VSTM4: variants seen among roughly 807,000 people sequenced by gnomAD.
The protein encoded by VSTM4 is V-set and transmembrane domain-containing protein 4.
Under a neutral mutation model 36.4 loss-of-function variants are expected in VSTM4, and 20 were observed. The ratio of observed to expected loss-of-function variants is 0.55; its 90% CI spans 0.39 to 0.80. The LOEUF (loss-of-function observed/expected upper bound fraction) is 0.80, where lower values mean the gene tolerates loss of function less well. VSTM4 is among the 30% of genes least tolerant of loss of function. VSTM4 has a pLI of 0.00. For missense variants in VSTM4, 392 were observed against 404.5 expected (o/e 0.97, Z 0.26); for synonymous variants, 182 against 173.9 (o/e 1.05, Z -0.37).
Position 49,096,622 on chromosome 10 carries a change from C to CGTGTGTGTGTGTGTGTGTGTGTGTGT in VSTM4, c.458-10625_458-10600dup, listed in dbSNP as rs57143308. On this transcript the variant is annotated intron_variant, in intron 2 of 7. Coordinates refer to ENST00000332853, the MANE Select transcript of VSTM4 (RefSeq NM_001031746.5). Reference sequence around the variant, plus strand: ...ATTGGGTTGAAAAGCCATTGAAGACCGTGTGTGTGTGTGTGTGTGTGTGTG... The same window carrying CGTGTGTGTGTGTGTGTGTGTGTGTGT: ...ATTGGGTTGAAAAGCCATTGAAGACCGTGTGTGTGTGTGTGTGTGTGTGTGTGTGTGTGTGTGTGTGTGTGTGTGTG... 8.2e-4 allele frequency among the ~76,000 whole-genome samples: 100 copies of CGTGTGTGTGTGTGTGTGTGTGTGTGT among 122,568 alleles called. 2 individuals carry two copies. Among genetic ancestry groups the CGTGTGTGTGTGTGTGTGTGTGTGTGT allele is most frequent in the African/African-American group, 3.3e-3 (95 of 28,942 alleles). 80.4% of individuals were successfully genotyped at this position (122,568 alleles called of 152,430 possible). A position where few individuals can be genotyped will look rare whatever the true frequency, so the allele number is the denominator to read the frequency against.
chr10:49,019,611 T>A lies in VSTM4; in HGVS notation c.*39A>T, dbSNP rs1299958187. The A allele has an allele frequency of 1.2e-5, 19 of 1,561,286 alleles. No individual in the cohort carries two copies. The highest frequency in any genetic ancestry group is 1.6e-5 in the Non-Finnish European group (18 of 1,149,938). The stretch of plus-strand genomic sequence containing the variant: ...CTCCAAGGCTTCATAAATCACTGGG[T>A]GGCAGGTATTAAATAGAACCTTGGA... On this transcript the variant is annotated 3_prime_UTR_variant, in exon 8 of 8. Coordinates refer to ENST00000332853, the MANE Select transcript of VSTM4 (RefSeq NM_001031746.5).
chr10:49,041,509 C>T (rs2131952756), intron 7 of VSTM4, among the ~76,000 whole-genome samples: 1 of 152,298 alleles, frequency 6.6e-6, no homozygotes, highest in East Asian at 1.9e-4. Context: ...AGCACATCAG[C>T]TCAGACACAC....
intron 2 of VSTM4, among the ~76,000 whole-genome samples, chr10:49,104,991 A>G (rs1455630528): frequency 2.1e-5 from 2 of 93,064 alleles, no homozygotes; most frequent in African/African-American, 9.5e-5. Context: ...ACAGAGACAC[A>G]GAGAGACAGA....
intron 4 of VSTM4, among the ~76,000 whole-genome samples, chr10:49,068,790 G>C (rs1844020221): frequency 6.6e-6 from 1 of 152,168 alleles, no homozygotes; most frequent in Admixed American, 6.5e-5. Flanking sequence ...CGGAGACCAA[G>C]AAGAGAATCA....
chr10:49,085,112 G>A (rs74703028), intron 3 of VSTM4, among the ~76,000 whole-genome samples: 1 of 152,228 alleles, frequency 6.6e-6, no homozygotes. Context: ...GTTAAACCCC[G>A]GATTTCTTGG....
At chr10:49,054,347 C>T (rs1036281285) in intron 5 of VSTM4, among the ~76,000 whole-genome samples, 6 of 152,248 alleles carry the variant, frequency 3.9e-5, no homozygotes, top group Admixed American at 6.5e-5. Context: ...TTAGATTCAG[C>T]GTGGGGAACC....
intron 7 of VSTM4, among the ~76,000 whole-genome samples, chr10:49,035,228 G>A (rs1011194768): frequency 6.6e-6 from 1 of 152,166 alleles, no homozygotes; most frequent in Admixed American, 6.5e-5. Flanking sequence ...CCTTGGTCAG[G>A]TGACTCCCAG....
At chr10:49,048,106 TTG>T (rs1843641753) in intron 6 of VSTM4, among the ~76,000 whole-genome samples, 1 of 152,234 alleles carries the variant, frequency 6.6e-6, no homozygotes, top group South Asian at 2.1e-4. Flanking sequence ...TTTTCTTCCC[TTG>T]AATGAACCAA....
chr10:49,068,038 G>C (rs1163274653), intron 4 of VSTM4, among the ~76,000 whole-genome samples: 1 of 151,998 alleles, frequency 6.6e-6, no homozygotes, highest in Non-Finnish European at 1.5e-5. Context: ...TCATCAGTAT[G>C]ATTTGTATTA....
At chr10:49,057,669 C>T (rs894142233) in intron 5 of VSTM4, among the ~76,000 whole-genome samples, 8 of 152,256 alleles carry the variant, frequency 5.3e-5, no homozygotes, top group Non-Finnish European at 8.8e-5. Flanking sequence ...TGCTTGGATG[C>T]GGTGGGGACA....
chr10:49,047,054 T>A lies in VSTM4; in HGVS notation c.776-10A>T. Reference sequence around the variant, plus strand: ...GTGGGGGCTATCGGAGCTGTGGAAGTAGGTCAAGGGTTTAGCTTGCAGTTC... The same window carrying A: ...GTGGGGGCTATCGGAGCTGTGGAAGAAGGTCAAGGGTTTAGCTTGCAGTTC... On this transcript the variant is annotated splice_polypyrimidine_tract_variant and intron_variant, in intron 6 of 7. Coordinates refer to ENST00000332853, the MANE Select transcript of VSTM4 (RefSeq NM_001031746.5). 1 of 1,614,116 alleles carries A rather than the reference T, an allele frequency of 6.2e-7. No individual in the cohort carries two copies.
At chr10:49,035,788 C>T (rs140528056) in intron 7 of VSTM4, among the ~76,000 whole-genome samples, 443 of 151,674 alleles carry the variant, frequency 2.9e-3, no homozygotes, top group African/African-American at 0.01. Context: ...TAGTGAGCTA[C>T]GGTTGCCATT....
chr10:49,045,948 G>A (rs1309488569), intron 7 of VSTM4, among the ~76,000 whole-genome samples: 1 of 152,134 alleles, frequency 6.6e-6, no homozygotes, highest in Non-Finnish European at 1.5e-5. Flanking sequence ...GGGTTAGGGG[G>A]TGGTTTCCTC....
At chr10:49,064,660 T>C in intron 5 of VSTM4, 43 bp downstream of exon 5, 1 of 1,586,070 alleles carries the variant, frequency 6.3e-7, no homozygotes, top group Non-Finnish European at 8.6e-7. Context: ...GAAAGTTAAA[T>C]GGCAAAGAGT....
intron 5 of VSTM4, among the ~76,000 whole-genome samples, chr10:49,050,264 G>A (rs1018743143): frequency 2.0e-5 from 3 of 152,160 alleles, no homozygotes; most frequent in Non-Finnish European, 4.4e-5. Context: ...CATACATAAA[G>A]AAGCTCCAGA....
At chr10:49,093,852 G>A (rs774317669) in intron 2 of VSTM4, among the ~76,000 whole-genome samples, 14 of 147,484 alleles carry the variant, frequency 9.5e-5, no homozygotes, top group African/African-American at 2.0e-4. Flanking sequence ...GGTTCACGCC[G>A]TCCTCCTGCC....
chr10:49,054,512 T>C (rs1287941871), intron 5 of VSTM4, among the ~76,000 whole-genome samples: 1 of 152,168 alleles, frequency 6.6e-6, no homozygotes, highest in Non-Finnish European at 1.5e-5. Flanking sequence ...GGCATGTGCC[T>C]GGAAATCGTC....
rs1266876099 is a variant in VSTM4, at chr10:49,091,641, A to T, written c.458-5618T>A. 2.6e-5 allele frequency among the ~76,000 whole-genome samples: 4 copies of T among 152,242 alleles called. No homozygotes were observed. In the East Asian group the frequency reaches 7.7e-4, roughly 29 times the overall value. On this transcript the variant is annotated intron_variant, in intron 2 of 7. Transcript: ENST00000332853. ...GTTTCACAGGTGAGTTCACACCAAG[A>T]CCCTGTGACAATGCCCTCTGGGTGC...
chr10:49,099,306 C>A (rs1649616335), intron 2 of VSTM4, among the ~76,000 whole-genome samples: 1 of 152,210 alleles, frequency 6.6e-6, no homozygotes, highest in Non-Finnish European at 1.5e-5. Context: ...CAGCATCCAG[C>A]AATGCTTAAG....
Sources: gnomAD v4.1 joint callset for allele counts (sites outside exome capture counted in the v4.1 genomes callset) on GRCh38, gnomAD v4.1.1 for gene constraint, MANE v1.5 for transcripts, NCBI Gene and HGNC (gene_info 2026-07-23, HGNC 2026-07-21) for gene names.